Variants in PADI4 observed in about 807,000 individuals in gnomAD.
The protein encoded by PADI4 is peptidyl arginine deiminase 4.
A neutral mutation model predicts 75.0 loss-of-function variants in PADI4; 62 were observed. The observed-to-expected ratio is 0.83, with a 90% confidence interval of 0.67 to 1.02. PADI4 has a LOEUF of 1.02. Ranked by LOEUF, PADI4 falls within the 50% of genes least tolerant of loss-of-function variation. PADI4 has a pLI of 0.00. For missense variants in PADI4, 845 were observed against 850.5 expected (o/e 0.99, Z 0.08); for synonymous variants, 361 against 348.1 (o/e 1.04, Z -0.41).
chr1:17,347,931 A>G lies in PADI4; in HGVS notation c.1048-10A>G, dbSNP rs550560341. On this transcript the variant is annotated splice_polypyrimidine_tract_variant and intron_variant, in intron 9 of 15. Coordinates refer to ENST00000375448, the MANE Select transcript of PADI4 (RefSeq NM_012387.3). ...ACGCGCAACAGCCTCCTCTCCACTC[A>G]CTCCCACAGGATGAAATGGAGATCG... 2 of 1,529,654 alleles carry G rather than the reference A, an allele frequency of 1.3e-6. No individual in the cohort carries two copies. Among genetic ancestry groups the G allele is most frequent in the Non-Finnish European group, 1.8e-6 (2 of 1,124,104 alleles). The allele number at this position is 1,529,654 out of a possible 1,614,324, so 94.8% of individuals were successfully genotyped here.
intron 1 of PADI4, among the ~76,000 whole-genome samples, chr1:17,317,908 C>T (rs2073968086): frequency 6.6e-6 from 1 of 152,150 alleles, no homozygotes; most frequent in Admixed American, 6.5e-5. Context: ...CCTGTAGTCC[C>T]AGCTACTCAG....
Position 17,356,591 on chromosome 1 carries a change from G to T in PADI4, c.1558+132G>T. ...TACTGTGCGCCAGGCACTGTGCCAAGTGCTAGGGAGACTGCATGAACAGGG... is the reference window on the plus strand; with the variant it reads ...TACTGTGCGCCAGGCACTGTGCCAATTGCTAGGGAGACTGCATGAACAGGG... On this transcript the variant is annotated intron_variant, in intron 13 of 15. Transcript: ENST00000375448. This position sits in a 1 kb window ranked among gnomAD's most constrained non-coding sequence, Gnocchi z 4.1. 2 of 622,924 alleles carry T rather than the reference G, an allele frequency of 3.2e-6. No homozygotes were observed. Among genetic ancestry groups the T allele is most frequent in the Non-Finnish European group, 5.8e-6 (2 of 342,120 alleles). The allele number at this position is 622,924 out of a possible 1,614,324, so 38.6% of individuals were successfully genotyped here.
chr1:17,348,050 T>C lies in PADI4; in HGVS notation c.1155+2T>C. ...GAGTTTCCCATCAAACGCGTGATGG[T>C]ACCTGCATGGGGTGGGGAGGGGGCA... On this transcript the variant is annotated splice_donor_variant, in intron 10 of 15. Transcript: ENST00000375448. LOFTEE classifies it high-confidence loss of function. 1 of 1,557,842 alleles carries C rather than the reference T, an allele frequency of 6.4e-7. No homozygotes were observed. The highest frequency in any genetic ancestry group is 8.9e-7 in the Non-Finnish European group (1 of 1,129,128).
chr1:17,333,527 C>T (rs930823206), intron 2 of PADI4, among the ~76,000 whole-genome samples: 11 of 151,924 alleles, frequency 7.2e-5, no homozygotes, highest in East Asian at 3.9e-4. Context: ...CCCCAGGACC[C>T]GGCCTTTCCA....
At chr1:17,357,717 G>A (rs2074783909) in intron 13 of PADI4, among the ~76,000 whole-genome samples, 1 of 151,834 alleles carries the variant, frequency 6.6e-6, no homozygotes. Flanking sequence ...TGGATCACGA[G>A]TTCAGGAGTT....
At chr1:17,330,434 G>A (rs779175449) in intron 1 of PADI4, among the ~76,000 whole-genome samples, 35 of 152,266 alleles carry the variant, frequency 2.3e-4, no homozygotes, top group African/African-American at 7.7e-4. Flanking sequence ...AAAGTCCCAC[G>A]ATCTGCAAGC....
chr1:17,337,973 C>G lies in PADI4; in HGVS notation c.409-65C>G. On this transcript the variant is annotated intron_variant, in intron 4 of 15. Coordinates refer to ENST00000375448, the MANE Select transcript of PADI4 (RefSeq NM_012387.3). Reference sequence around the variant, plus strand: ...AAGAGGTGATGGGGAGTTGCTATGCCTCTTGCAAGAGTTGGAGGGCTCTAT... The same window carrying G: ...AAGAGGTGATGGGGAGTTGCTATGCGTCTTGCAAGAGTTGGAGGGCTCTAT... 9.7e-6 allele frequency: 8 copies of G among 827,900 alleles called. No homozygotes were observed. The South Asian group carries it at 1.3e-4, about 13-fold the overall frequency. 51.3% of individuals were successfully genotyped at this position (827,900 alleles called of 1,614,324 possible).
chr1:17,353,786 G>A (rs1051176835), intron 10 of PADI4, among the ~76,000 whole-genome samples: 3 of 152,172 alleles, frequency 2.0e-5, no homozygotes, highest in African/African-American at 4.8e-5. Context: ...CTTTGAAGGT[G>A]GAAGAAGGGG....
chr1:17,308,221 C>T lies in PADI4; in HGVS notation c.-2C>T, dbSNP rs200461292. On this transcript the variant is annotated 5_prime_UTR_variant, in exon 1 of 16. The change creates a new upstream start codon in the 5' untranslated region. Transcript: ENST00000375448. The stretch of plus-strand genomic sequence containing the variant: ...CAGCCAGAGGGACGAGCTAGCCCGA[C>T]GATGGCCCAGGGGACATTGATCCGT... 7.4e-6 allele frequency: 12 copies of T among 1,613,800 alleles called. No individual in the cohort carries two copies. The highest frequency in any genetic ancestry group is 8.5e-6 in the Non-Finnish European group (10 of 1,179,800).
intron 15 of PADI4, among the ~76,000 whole-genome samples, chr1:17,360,571 A>G (rs2074834618): frequency 6.6e-6 from 1 of 152,176 alleles, no homozygotes; most frequent in East Asian, 1.9e-4. Context: ...ACCTTCTGGT[A>G]TCTCACAACA....
In PADI4 at chr1:17,328,660, T is replaced by A. The variant is rs552748723; in HGVS notation, c.93-2309T>A. Among the ~76,000 whole-genome samples the A allele has an allele frequency of 2.9e-4, 43 of 147,840 alleles. No individual in the cohort carries two copies. In the South Asian group the frequency reaches 4.1e-3, roughly 14 times the overall value. On this transcript the variant is annotated intron_variant, in intron 1 of 15. Transcript: ENST00000375448. ...AGACCCTGTCTCTAAAAAAAAAAAA[T>A]AAGTTTAACTCTAAAAAATCTAGAG...
At chr1:17,355,951 C>G in intron 11 of PADI4, 32 bp from the exon 12 acceptor site, 1 of 1,613,728 alleles carries the variant, frequency 6.2e-7, no homozygotes, top group Non-Finnish European at 8.5e-7. Flanking sequence ...GCCCTTGCTG[C>G]CGATAACACC....
intron 5 of PADI4, 132 bp from the exon 6 acceptor site, chr1:17,339,556 C>A (rs1185638956): frequency 3.5e-6 from 3 of 846,412 alleles, no homozygotes; most frequent in South Asian, 1.7e-5. Context: ...GAAAAGAAAA[C>A]CAGGCAACAT....
intron 15 of PADI4, among the ~76,000 whole-genome samples, chr1:17,360,060 C>T (rs1186686307): frequency 1.3e-5 from 2 of 152,060 alleles, no homozygotes; most frequent in Non-Finnish European, 2.9e-5. Flanking sequence ...TAGGCCAGAG[C>T]GGGTGGATCA....
At chr1:17,333,075 C>G (rs554962140) in intron 2 of PADI4, among the ~76,000 whole-genome samples, 9 of 152,210 alleles carry the variant, frequency 5.9e-5, no homozygotes, top group African/African-American at 2.2e-4. Flanking sequence ...AACAGGAAGC[C>G]AACAAAAAGT....
At chr1:17,350,162 C>T (rs888331270) in intron 10 of PADI4, among the ~76,000 whole-genome samples, 7 of 128,592 alleles carry the variant, frequency 5.4e-5, no homozygotes, top group African/African-American at 1.5e-4. Flanking sequence ...TCGTTGCCTG[C>T]GCTGCTGGGC....
At chr1:17,341,101 CTTT>C (rs34852999) in intron 6 of PADI4, among the ~76,000 whole-genome samples, 6 of 119,770 alleles carry the variant, frequency 5.0e-5, no homozygotes, top group Non-Finnish European at 5.3e-5. Context: ...GCCTCTGTTT[CTTT>C]TTTTTTTTTT....
At chr1:17,359,103 C>G (rs1375836959) in intron 14 of PADI4, among the ~76,000 whole-genome samples, 177 bp from the exon 15 acceptor site, 4 of 152,124 alleles carry the variant, frequency 2.6e-5, no homozygotes, top group Admixed American at 1.3e-4. Context: ...CAGGGTCCCC[C>G]GAGAGCACTG....
intron 10 of PADI4, among the ~76,000 whole-genome samples, chr1:17,351,963 G>A (rs1236778156): frequency 4.6e-5 from 4 of 87,870 alleles, no homozygotes; most frequent in African/African-American, 1.7e-4. Flanking sequence ...GGGAGGAGAG[G>A]CGGCCAGGGA....
Sources: gnomAD v4.1 joint callset for allele counts (sites outside exome capture counted in the v4.1 genomes callset) on GRCh38, gnomAD v4.1.1 for gene constraint, Gnocchi (gnomAD v3.1) non-coding constraint, MANE v1.5 for transcripts, NCBI Gene and HGNC (gene_info 2026-07-23, HGNC 2026-07-21) for gene names.